KCP: variants seen among roughly 807,000 people sequenced by gnomAD.
KCP encodes kielin/chordin-like protein.
KCP carries 194 observed loss-of-function variants against 212.7 expected under a neutral mutation model. The ratio of observed to expected loss-of-function variants is 0.91; its 90% CI spans 0.81 to 1.03. The LOEUF is 1.03. KCP is among the 50% of genes least tolerant of loss of function. The pLI, the probability that KCP is intolerant of heterozygous loss-of-function variation, is 0.00. For missense variants in KCP, 2,080 were observed against 2,162.5 expected (o/e 0.96, Z 0.76); for synonymous variants, 833 against 865.3 (o/e 0.96, Z 0.65).
chr7:128,906,073 G>C (rs1426679626), intron 5 of KCP, among the ~76,000 whole-genome samples: 1 of 152,196 alleles, frequency 6.6e-6, no homozygotes, highest in African/African-American at 2.4e-5. Context: ...AAGATTTTGT[G>C]CCTGTTTCCC....
rs1000752859 is a variant in KCP at position 128,878,615 on chromosome 7, C to A, written c.4254G>T (p.Leu1418=). The A allele has an allele frequency of 1.9e-6, 3 of 1,551,418 alleles. No individual in the cohort carries two copies. In the African/African-American group the frequency reaches 4.1e-5, roughly 21 times the overall value. The change falls in exon 38 of 40, where the codon CTG becomes CTT. Residue 1418 remains leucine (L), a synonymous_variant. Transcript: ENST00000610776. ...GCAGGAGCAGCCCCTCAGGGCCCTG[C>A]AGATCGTCCTGGGCAAAGCCATTGA... The part of the protein sequence containing the change: ...GNFNGFAQDD[L]QGPEGLLLPS...
In KCP at chr7:128,891,624, C is replaced by T. The variant is rs1210039476; in HGVS notation, c.1795+22G>A. 6 of 1,483,506 alleles carry T rather than the reference C, an allele frequency of 4.0e-6. No homozygotes were observed. The East Asian group carries it at 9.9e-5, about 24-fold the overall frequency. The allele number at this position is 1,483,506 out of a possible 1,614,324, so 91.9% of individuals were successfully genotyped here. ...GCCATGCCATCCCATCCCAGAAGGC[C>T]GCCCTGACCCGCCCACCTCACCGCT... On this transcript the variant is annotated intron_variant, in intron 17 of 39. Coordinates refer to ENST00000610776, the MANE Select transcript of KCP (RefSeq NM_001366122.1).
chr7:128,879,820 C>T lies in KCP; in HGVS notation c.3942G>A (p.Val1314=), dbSNP rs1431228270. The T allele has an allele frequency of 6.4e-7, 1 of 1,551,024 alleles. No individual in the cohort carries two copies. Among genetic ancestry groups the T allele is most frequent in the Non-Finnish European group, 8.7e-7 (1 of 1,146,978 alleles). ...CGCTCCGGCCCCGGTCATCATTGGTCACGTGCACACTGTGGGCAGGAAAGT... is the reference window on the plus strand; with the variant it reads ...CGCTCCGGCCCCGGTCATCATTGGTTACGTGCACACTGTGGGCAGGAAAGT... The part of the protein sequence containing the change: ...DCHSGDFSVH[V]TNDDRGRSGV... Residue 1314 remains valine (V), a synonymous_variant, in exon 36 of 40, where the codon GTG becomes GTA. Transcript: ENST00000610776.
chr7:128,908,959 C>A (rs1795295368), intron 1 of KCP, among the ~76,000 whole-genome samples: 1 of 139,474 alleles, frequency 7.2e-6, no homozygotes, highest in African/African-American at 3.0e-5. Flanking sequence ...TTCCTGGGGG[C>A]TCCCACATTG....
chr7:128,897,627 A>T (rs1356778394), intron 8 of KCP, among the ~76,000 whole-genome samples: 1 of 152,260 alleles, frequency 6.6e-6, no homozygotes, highest in African/African-American at 2.4e-5. Context: ...TAAAATAAAA[A>T]TATCTTCAAA....
intron 19 of KCP, 31 bp downstream of exon 19, chr7:128,891,154 G>T: frequency 6.5e-7 from 1 of 1,539,402 alleles, no homozygotes; most frequent in African/African-American, 1.4e-5. Context: ...GGGACCCCCA[G>T]GGAGGAGCAG....
intron 29 of KCP, among the ~76,000 whole-genome samples, chr7:128,883,145 CTTT>C (rs550292146): frequency 7.0e-6 from 1 of 143,354 alleles, no homozygotes; most frequent in African/African-American, 2.6e-5. Flanking sequence ...TTTTTTCTTT[CTTT>C]TTTTTTTTTT....
intron 27 of KCP, 89 bp from the exon 28 acceptor site, chr7:128,884,952 C>T (rs1337806757): frequency 9.4e-6 from 14 of 1,492,496 alleles, no homozygotes; most frequent in Admixed American, 3.9e-5. Context: ...CCAGCCTCCC[C>T]CTGATCCCAG....
chr7:128,883,663 T>C (rs997020321), intron 29 of KCP, among the ~76,000 whole-genome samples: 1 of 152,190 alleles, frequency 6.6e-6, no homozygotes, highest in African/African-American at 2.4e-5. Context: ...CTTAATAAAT[T>C]TTTACTCTAA....
Position 128,904,062 on chromosome 7 carries a change from G to A in KCP, c.648C>T (p.Thr216=), listed in dbSNP as rs1181155008. Residue 216 remains threonine (T), a synonymous_variant, in exon 6 of 40, where the codon ACC becomes ACT. Coordinates refer to ENST00000610776, the MANE Select transcript of KCP (RefSeq NM_001366122.1). ...LSSSNPCLQC[T]CLRSRVRCMA... ...AGGGGACAGGTGGACTCACCAGGCA[G>A]GTGCACTGTAGACAAGGGTTGGAGC... 6.4e-7 allele frequency: 1 copy of A among 1,551,532 alleles called. No individual in the cohort carries two copies. The highest frequency in any genetic ancestry group is 2.0e-5 in the Admixed American group (1 of 50,998).
chr7:128,880,300 CCT>C, intron 34 of KCP, 84 bp downstream of exon 34: 1 of 1,435,408 alleles, frequency 7.0e-7, no homozygotes. Context: ...GCCCAGCCTC[CCT>C]CTCTGATGCC....
At chr7:128,899,038 C>T (rs2063973648) in intron 8 of KCP, among the ~76,000 whole-genome samples, 1 of 151,948 alleles carries the variant, frequency 6.6e-6, no homozygotes, top group Admixed American at 6.6e-5. Flanking sequence ...AATAATGCAC[C>T]CGTGCAACAG....
intron 8 of KCP, among the ~76,000 whole-genome samples, chr7:128,900,358 T>C (rs557962811): frequency 6.6e-6 from 1 of 152,298 alleles, no homozygotes; most frequent in East Asian, 1.9e-4. Context: ...GACTGATTGC[T>C]TGCTCCTGTG....
At chr7:128,903,870 G>T in intron 6 of KCP, 50 bp from the exon 7 acceptor site, 2 of 1,331,110 alleles carry the variant, frequency 1.5e-6, no homozygotes, top group Non-Finnish European at 2.1e-6. Context: ...CCCGCAGAGG[G>T]CTGGGTGGGC....
chr7:128,878,668 C>G lies in KCP; in HGVS notation c.4201G>C (p.Gly1401Arg). Residue 1401 changes from glycine (G) to arginine (R), a missense_variant, in exon 38 of 40, where the codon GGC becomes CGC. By Grantham distance (125) the Gly-to-Arg change is moderately radical. Coordinates refer to ENST00000610776, the MANE Select transcript of KCP (RefSeq NM_001366122.1). ...VEVSVPGSYQ[G>R]RTCGLCGNFN... Reference sequence around the variant, plus strand: ...TTCCCACAGAGCCCACAAGTCCGGCCCTGGTAGGAGCCAGGTACGCTCACC... The same window carrying G: ...TTCCCACAGAGCCCACAAGTCCGGCGCTGGTAGGAGCCAGGTACGCTCACC... 1.3e-6 allele frequency: 2 copies of G among 1,551,226 alleles called. No individual in the cohort carries two copies. Among genetic ancestry groups the G allele is most frequent in the South Asian group, 1.2e-5 (1 of 84,068 alleles).
chr7:128,896,402 G>T lies in KCP; in HGVS notation c.832-2109C>A, dbSNP rs971012640. Among the ~76,000 whole-genome samples, 60 of 152,140 alleles carry T rather than the reference G, an allele frequency of 3.9e-4. 1 individual carries two copies. The highest frequency in any genetic ancestry group is 9.9e-4 in the African/African-American group (41 of 41,430). On this transcript the variant is annotated intron_variant, in intron 8 of 39. Transcript: ENST00000610776. The stretch of plus-strand genomic sequence containing the variant: ...TATTTAGAGGGTTAGAGGCCCCTCT[G>T]GGTAAAATCCCTCCCGGTTAAGAAT...
In KCP at chr7:128,885,231, C is replaced by G. The variant is rs1489847265; in HGVS notation, c.2906G>C (p.Arg969Thr). 6.5e-7 allele frequency: 1 copy of G among 1,550,280 alleles called. No homozygotes were observed. Among genetic ancestry groups the G allele is most frequent in the Middle Eastern group, 1.7e-4 (1 of 5,986 alleles). Residue 969 changes from arginine to threonine, a missense_variant, in exon 27 of 40, where the codon AGA becomes ACA. Coordinates refer to ENST00000610776, the MANE Select transcript of KCP (RefSeq NM_001366122.1). ...GCAGGCACTGTCGGGGGGCACCCAT[C>G]TACTGCCTTCGGGGTGCTCTTCCCC... ...AHGEEHPEGS[R>T]WVPPDSACSS...
chr7:128,892,457 G>C, intron 16 of KCP, 57 bp downstream of exon 16: 1 of 1,302,534 alleles, frequency 7.7e-7, no homozygotes, highest in Non-Finnish European at 1.0e-6. Flanking sequence ...CCATGGGGCT[G>C]TGGGACAGCA....
Position 128,877,674 on chromosome 7 carries a change from C to T in KCP, c.4428G>A (p.Lys1476=). The change falls in exon 39 of 40, where the codon AAG becomes AAA. Residue 1476 remains lysine (K), a synonymous_variant. Transcript: ENST00000610776. ...REANARCGVL[K]SSPFSRCHAV... The stretch of plus-strand genomic sequence containing the variant: ...CATGGCAGCGACTGAATGGGGAGGA[C>T]TTCAGCACCCCACACCGGGCATTGG... 1.3e-6 allele frequency: 2 copies of T among 1,551,480 alleles called. No individual in the cohort carries two copies. The highest frequency in any genetic ancestry group is 1.7e-6 in the Non-Finnish European group (2 of 1,146,984).
Sources: gnomAD v4.1 joint callset for allele counts (sites outside exome capture counted in the v4.1 genomes callset) on GRCh38, gnomAD v4.1.1 for gene constraint, MANE v1.5 for transcripts, NCBI Gene and HGNC (gene_info 2026-07-23, HGNC 2026-07-21) for gene names.